The following CSMD1 variants were observed in gnomAD, a reference collection of about 807,000 sequenced individuals.
The protein encoded by CSMD1 is CUB and Sushi multiple domains 1, also known as CUB and sushi domain-containing protein 1.
A neutral mutation model predicts 417.5 loss-of-function variants in CSMD1; 213 were observed. The observed-to-expected ratio is 0.51, with a 90% confidence interval of 0.46 to 0.57. The LOEUF (loss-of-function observed/expected upper bound fraction) is 0.57, where lower values mean the gene tolerates loss of function less well. Ranked by LOEUF, CSMD1 falls within the 20% of genes least tolerant of loss-of-function variation. The pLI, the probability that CSMD1 is intolerant of heterozygous loss-of-function variation, is 0.00. For synonymous variants in CSMD1, 2,862 were observed against 1,736.8 expected, an observed-to-expected ratio of 1.65 and a Z score of -16.11; for missense variants, 6,923 against 4,529.7, an observed-to-expected ratio of 1.53 and a Z score of -15.17.
rs1805555360 is a variant in CSMD1 at position 3,313,932 on chromosome 8, A to G, written c.3632-5429T>C. The stretch of plus-strand genomic sequence containing the variant: ...TGGCACATATACACCATGGAATACT[A>G]TGCAGCCATAAAAAATGATGAGTTC... On this transcript the variant is annotated intron_variant, in intron 23 of 69. Coordinates refer to ENST00000635120, the MANE Select transcript of CSMD1 (RefSeq NM_033225.6). Among the ~76,000 whole-genome samples, 4 of 152,218 alleles carry G rather than the reference A, an allele frequency of 2.6e-5. No individual in the cohort carries two copies. In the South Asian group the frequency reaches 8.3e-4, roughly 31 times the overall value.
chr8:3,807,922 T>C (rs560511864), intron 5 of CSMD1, among the ~76,000 whole-genome samples: 1 of 152,248 alleles, frequency 6.6e-6, no homozygotes, highest in Non-Finnish European at 1.5e-5. Flanking sequence ...AAAAAATAAA[T>C]TGTAATTTTT....
chr8:4,208,240 T>C lies in CSMD1; in HGVS notation c.416-176141A>G, dbSNP rs1461714019. On this transcript the variant is annotated intron_variant, in intron 3 of 69. Transcript: ENST00000635120. ...TCTTGCTTTGAAAGGTAACTGCTCC[T>C]GTTATAATTGCCTTCTCGGTCAAAT... Among the ~76,000 whole-genome samples, 5 of 152,160 alleles carry C rather than the reference T, an allele frequency of 3.3e-5. No individual in the cohort carries two copies. In the South Asian group the frequency reaches 8.3e-4, roughly 25 times the overall value.
At chr8:4,350,139 A>C (rs1185406672) in intron 3 of CSMD1, among the ~76,000 whole-genome samples, 2 of 152,152 alleles carry the variant, frequency 1.3e-5, no homozygotes, top group African/African-American at 4.8e-5. Context: ...CTTCAGTCCA[A>C]ATCATCAAAT....
chr8:4,393,757 C>A (rs1804019295), intron 3 of CSMD1, among the ~76,000 whole-genome samples: 1 of 152,090 alleles, frequency 6.6e-6, no homozygotes, highest in South Asian at 2.1e-4. Context: ...ACATTCATTG[C>A]CTTAAAAACA....
At chr8:3,332,917 A>G (rs1473706486) in intron 23 of CSMD1, among the ~76,000 whole-genome samples, 1 of 152,178 alleles carries the variant, frequency 6.6e-6, no homozygotes. Flanking sequence ...ATGCCACGGA[A>G]GTGTCTGTTC....
intron 3 of CSMD1, among the ~76,000 whole-genome samples, chr8:4,312,099 A>C (rs1798616503): frequency 1.3e-5 from 2 of 152,134 alleles, no homozygotes; most frequent in African/African-American, 4.8e-5. Flanking sequence ...CCAGGAGTTA[A>C]AAAAGTTATC....
At chr8:4,247,424 G>A (rs1802780754) in intron 3 of CSMD1, among the ~76,000 whole-genome samples, 1 of 152,164 alleles carries the variant, frequency 6.6e-6, no homozygotes, top group African/African-American at 2.4e-5. Context: ...TTCTCCTGCT[G>A]TGTCACTCAG....
At chr8:4,955,335 C>G (rs1327159464) in intron 1 of CSMD1, among the ~76,000 whole-genome samples, 1 of 152,016 alleles carries the variant, frequency 6.6e-6, no homozygotes, top group Non-Finnish European at 1.5e-5. Context: ...ATACAGAAAA[C>G]AGTACTTCCC....
intron 10 of CSMD1, among the ~76,000 whole-genome samples, chr8:3,571,500 G>A (rs1322811295): frequency 2.0e-5 from 3 of 152,250 alleles, no homozygotes; most frequent in East Asian, 3.9e-4. Context: ...ACTCCTCTGC[G>A]ACAGAAGCAA....
intron 3 of CSMD1, among the ~76,000 whole-genome samples, chr8:4,347,720 G>T (rs1171049313): frequency 2.6e-5 from 4 of 152,014 alleles, no homozygotes; most frequent in Admixed American, 1.3e-4. Context: ...CCTGTAGCAC[G>T]TAACTCAATT....
chr8:4,953,762 A>C (rs1808900521), intron 1 of CSMD1, among the ~76,000 whole-genome samples: 1 of 152,160 alleles, frequency 6.6e-6, no homozygotes, highest in African/African-American at 2.4e-5. Flanking sequence ...TCTTTCTGCA[A>C]GGCTAATTCT....
chr8:4,397,951 G>A (rs1406809975), intron 3 of CSMD1, among the ~76,000 whole-genome samples: 4 of 152,082 alleles, frequency 2.6e-5, no homozygotes, highest in African/African-American at 9.7e-5. Context: ...GAAAAAATGG[G>A]TTGTCATACA....
chr8:4,515,805 A>G (rs1803085225), intron 2 of CSMD1, among the ~76,000 whole-genome samples: 2 of 152,134 alleles, frequency 1.3e-5, no homozygotes, highest in Non-Finnish European at 2.9e-5. Context: ...GTGTGCACTG[A>G]TGCCCGGGTT....
intron 1 of CSMD1, among the ~76,000 whole-genome samples, chr8:4,865,077 C>T (rs1005326154): frequency 6.6e-6 from 1 of 151,362 alleles, no homozygotes; most frequent in African/African-American, 2.4e-5. Context: ...TTGGGGTACA[C>T]GTGGTTTTCT....
At chr8:4,379,033 A>G (rs1053616740) in intron 3 of CSMD1, among the ~76,000 whole-genome samples, 1 of 152,214 alleles carries the variant, frequency 6.6e-6, no homozygotes, top group Non-Finnish European at 1.5e-5. Flanking sequence ...CAAAATATCC[A>G]TTAACTGCAG....
chr8:3,977,534 G>C (rs528273755), intron 5 of CSMD1, among the ~76,000 whole-genome samples: 1 of 152,110 alleles, frequency 6.6e-6, no homozygotes, highest in South Asian at 2.1e-4. Context: ...GGATTCTGCT[G>C]TTCAGAGCAG....
intron 2 of CSMD1, among the ~76,000 whole-genome samples, chr8:4,483,631 C>T (rs777347805): frequency 6.6e-6 from 1 of 152,132 alleles, no homozygotes. Flanking sequence ...TAATTTAAAA[C>T]AGCAAAATGT....
At chr8:4,952,311 A>G (rs1808805924) in intron 1 of CSMD1, among the ~76,000 whole-genome samples, 1 of 149,168 alleles carries the variant, frequency 6.7e-6, no homozygotes, top group East Asian at 2.0e-4. Flanking sequence ...TTAATTAGCC[A>G]ACGCTTTTTG....
At chr8:4,036,956 G>GGTGTGT (rs57139782) in intron 3 of CSMD1, among the ~76,000 whole-genome samples, 2,362 of 146,012 alleles carry the variant, frequency 0.016, 27 homozygotes, top group East Asian at 0.03. Context: ...GTGAGTGTGG[G>GGTGTGT]GTGTGTGTGT....
Sources: allele counts gnomAD v4.1 joint callset (sites outside exome capture counted in the v4.1 genomes callset), GRCh38; gene constraint gnomAD v4.1.1; transcripts MANE v1.5; gene names NCBI Gene and HGNC (gene_info 2026-07-23, HGNC 2026-07-21).